The following KLHL1 variants were observed in gnomAD, a reference collection of about 807,000 sequenced individuals.
KLHL1 encodes the protein kelch-like protein 1.
KLHL1 carries 47 observed loss-of-function variants against 77.7 expected under a neutral mutation model. That is an observed-to-expected ratio of 0.60 (90% CI 0.48 to 0.77). The LOEUF (loss-of-function observed/expected upper bound fraction) is 0.77. KLHL1 is among the 30% of genes least tolerant of loss of function. The probability of loss-of-function intolerance (pLI) is 0.00; values close to 1 mark genes in which losing one functional copy is unlikely to be tolerated. For missense variants in KLHL1, 925 were observed against 910.8 expected, an observed-to-expected ratio of 1.02 and a Z score of -0.20; for synonymous variants, 360 against 325.2, an observed-to-expected ratio of 1.11 and a Z score of -1.15.
chr13:69,809,851 A>C (rs2138060081), intron 6 of KLHL1, among the ~76,000 whole-genome samples: 1 of 152,186 alleles, frequency 6.6e-6, no homozygotes, highest in Non-Finnish European at 1.5e-5. Flanking sequence ...GTAAAGAGAT[A>C]AAGAAAGGTG....
intron 4 of KLHL1, among the ~76,000 whole-genome samples, chr13:69,924,691 G>A (rs921406148): frequency 7.9e-5 from 12 of 152,140 alleles, no homozygotes; most frequent in East Asian, 1.9e-4. Flanking sequence ...GCTGAAACAC[G>A]CCCCTTGCTC....
At chr13:69,704,198 A>T (rs1472967012) in intron 10 of KLHL1, among the ~76,000 whole-genome samples, 1 of 151,182 alleles carries the variant, frequency 6.6e-6, no homozygotes, top group Non-Finnish European at 1.5e-5. Flanking sequence ...TTTTCAAAAA[A>T]CAAAATGTGA....
intron 2 of KLHL1, among the ~76,000 whole-genome samples, chr13:69,962,625 C>T (rs2137272515): frequency 1.3e-5 from 2 of 152,048 alleles, no homozygotes; most frequent in Non-Finnish European, 2.9e-5. Flanking sequence ...TCTAATTTTG[C>T]AAACAATTTT....
intron 5 of KLHL1, among the ~76,000 whole-genome samples, chr13:69,840,171 A>G (rs1252590294): frequency 6.6e-6 from 1 of 152,050 alleles, no homozygotes; most frequent in Non-Finnish European, 1.5e-5. Flanking sequence ...AAGCCTACCT[A>G]ATATATAAAA....
At chr13:69,792,668 T>C (rs1458305938) in intron 7 of KLHL1, among the ~76,000 whole-genome samples, 1 of 152,164 alleles carries the variant, frequency 6.6e-6, no homozygotes, top group Non-Finnish European at 1.5e-5. Flanking sequence ...TATTAACAAA[T>C]GTGGTAAAGC....
At chr13:69,890,975 G>C (rs1307617586) in intron 4 of KLHL1, among the ~76,000 whole-genome samples, 2 of 152,020 alleles carry the variant, frequency 1.3e-5, no homozygotes, top group African/African-American at 4.8e-5. Flanking sequence ...AGCTGTTAAT[G>C]TGTACAGGTT....
At chr13:69,716,754 A>G (rs1487549912) in intron 9 of KLHL1, among the ~76,000 whole-genome samples, 3 of 152,096 alleles carry the variant, frequency 2.0e-5, no homozygotes, top group Admixed American at 6.6e-5. Flanking sequence ...AGATTTACTT[A>G]TTTATTTGTC....
intron 8 of KLHL1, among the ~76,000 whole-genome samples, chr13:69,735,801 G>A (rs1418043255): frequency 6.6e-6 from 1 of 151,788 alleles, no homozygotes; most frequent in Non-Finnish European, 1.5e-5. Context: ...CTGAAGGGAT[G>A]TTTAAGATGA....
At chr13:69,786,341 G>C (rs1445759164) in intron 7 of KLHL1, among the ~76,000 whole-genome samples, 3 of 152,158 alleles carry the variant, frequency 2.0e-5, no homozygotes, top group African/African-American at 4.8e-5. Context: ...GGGATGCAAG[G>C]CTGGTTCAAT....
At chr13:69,967,817 G>A (rs557481631) in intron 2 of KLHL1, among the ~76,000 whole-genome samples, 7 of 151,876 alleles carry the variant, frequency 4.6e-5, no homozygotes, top group African/African-American at 1.4e-4. Flanking sequence ...CCTGGGAAGC[G>A]GAGATTGCAA....
At chr13:69,928,779 C>T (rs1281539258) in intron 4 of KLHL1, among the ~76,000 whole-genome samples, 2 of 151,762 alleles carry the variant, frequency 1.3e-5, no homozygotes, top group South Asian at 2.1e-4. Flanking sequence ...AAATGGAGAG[C>T]GAATAGGTAG....
At chr13:70,024,090 T>G (rs1161909138) in intron 1 of KLHL1, among the ~76,000 whole-genome samples, 1 of 151,834 alleles carries the variant, frequency 6.6e-6, no homozygotes, top group Admixed American at 6.6e-5. Context: ...TTTTACGAGA[T>G]CAGAGGAGAT....
chr13:69,944,474 A>G (rs1267088722), intron 3 of KLHL1, among the ~76,000 whole-genome samples: 5 of 152,210 alleles, frequency 3.3e-5, no homozygotes, highest in Non-Finnish European at 1.5e-5. Context: ...TTGTAAAACT[A>G]CATGCTGAGT....
chr13:69,899,822 A>G (rs1341580543), intron 4 of KLHL1, among the ~76,000 whole-genome samples: 2 of 152,136 alleles, frequency 1.3e-5, no homozygotes, highest in African/African-American at 2.4e-5. Context: ...GACAGTATCC[A>G]TTAGAGAGGA....
chr13:69,777,188 C>T (rs903049157), intron 7 of KLHL1, among the ~76,000 whole-genome samples: 3 of 152,092 alleles, frequency 2.0e-5, no homozygotes, highest in Admixed American at 6.6e-5. Context: ...TCCTCCTTCA[C>T]CTTCCACCAT....
At chr13:69,773,381 C>T (rs900121243) in intron 7 of KLHL1, among the ~76,000 whole-genome samples, 6 of 152,056 alleles carry the variant, frequency 3.9e-5, no homozygotes, top group Non-Finnish European at 7.4e-5. Context: ...ACTTTGCTCT[C>T]TCCTCTATGT....
intron 1 of KLHL1, among the ~76,000 whole-genome samples, chr13:70,059,085 TCAAA>T (rs142807932): frequency 0.03 from 4,567 of 151,130 alleles, 152 homozygotes; most frequent in African/African-American, 0.079. Context: ...TACTAAAACC[TCAAA>T]CAATGAAACT....
chr13:69,921,129 G>T (rs977692895), intron 4 of KLHL1, among the ~76,000 whole-genome samples: 1 of 152,140 alleles, frequency 6.6e-6, no homozygotes, highest in African/African-American at 2.4e-5. Context: ...AAACAGAGTT[G>T]CAATTATAAT....
chr13:69,996,596 T>G (rs1885158487), intron 1 of KLHL1, among the ~76,000 whole-genome samples: 1 of 152,096 alleles, frequency 6.6e-6, no homozygotes, highest in Non-Finnish European at 1.5e-5. Flanking sequence ...CTTGTTTATG[T>G]TCTGCTAAAG....
Sources: allele counts gnomAD v4.1 joint callset (sites outside exome capture counted in the v4.1 genomes callset), GRCh38; gene constraint gnomAD v4.1.1; transcripts MANE v1.5; gene names NCBI Gene and HGNC (gene_info 2026-07-23, HGNC 2026-07-21).